The following ANXA8 variants were observed in gnomAD, a reference collection of about 807,000 sequenced individuals.
ANXA8 encodes the protein VAC-beta.
ANXA8 carries 9 observed loss-of-function variants against 26.8 expected under a neutral mutation model. That is an observed-to-expected ratio of 0.34 (90% CI 0.20 to 0.59). The LOEUF is 0.59. ANXA8 is among the 20% of genes least tolerant of loss of function. ANXA8 has a pLI of 0.84. For synonymous variants in ANXA8, 39 were observed against 94.8 expected (o/e 0.41, Z 3.42); for missense variants, 83 against 238.5 (o/e 0.35, Z 4.29).
chr10:47,929,589 G>A, the ANXA8 span, among the ~76,000 whole-genome samples: 1 of 142,760 alleles, frequency 7.0e-6, no homozygotes, highest in South Asian at 2.4e-4. Context: ...AGCATCTCAA[G>A]CTTGGCACAT....
the ANXA8 span, among the ~76,000 whole-genome samples, chr10:47,646,569 C>T: frequency 6.6e-6 from 1 of 151,378 alleles, no homozygotes; most frequent in East Asian, 1.9e-4. Flanking sequence ...TTAGTTGAGA[C>T]AGAAACAGGC....
upstream of ANXA8, chr10:47,484,331 A>C (rs1839975489): frequency 1.6e-6 from 1 of 641,512 alleles, no homozygotes; most frequent in Non-Finnish European, 2.8e-6. Context: ...TGATCTGCCC[A>C]CCTTGGCCTA....
chr10:47,554,898 G>A, the ANXA8 span, among the ~76,000 whole-genome samples: 28,257 of 151,014 alleles, frequency 0.19, 2,885 homozygotes, highest in East Asian at 0.52. Context: ...GTCAGTAGCC[G>A]GGTAAATAAT....
chr10:47,743,315 C>CAT, the ANXA8 span, among the ~76,000 whole-genome samples: 1 of 60,020 alleles, frequency 1.7e-5, no homozygotes, highest in Non-Finnish European at 3.7e-5. Flanking sequence ...TATATATACA[C>CAT]ATATATATAT....
chr10:47,485,692 A>G (rs1160785664), upstream of ANXA8, among the ~76,000 whole-genome samples: 1 of 152,014 alleles, frequency 6.6e-6, no homozygotes, highest in Admixed American at 6.6e-5. Context: ...ATGTTAAGTT[A>G]AATGCTACTT....
At chr10:47,957,418 C>T in the ANXA8 span, among the ~76,000 whole-genome samples, 1 of 150,494 alleles carries the variant, frequency 6.6e-6, no homozygotes, top group South Asian at 2.1e-4. Context: ...GGGCTGGGAC[C>T]TCCTGCTGGC....
chr10:47,977,198 T>G, the ANXA8 span, among the ~76,000 whole-genome samples: 1 of 88,848 alleles, frequency 1.1e-5, no homozygotes, highest in East Asian at 2.4e-4. Flanking sequence ...AATGGACAAC[T>G]AAACTGAGGA....
chr10:47,555,052 C>G, the ANXA8 span, among the ~76,000 whole-genome samples: 2 of 151,052 alleles, frequency 1.3e-5, no homozygotes, highest in Non-Finnish European at 2.9e-5. Context: ...ACCACCACCT[C>G]CTATCTAGAG....
At chr10:47,533,225 C>CACACACACACACACACACACACACA in the ANXA8 span, among the ~76,000 whole-genome samples, 1 of 98,544 alleles carries the variant, frequency 1.0e-5, no homozygotes, top group African/African-American at 3.8e-5. Context: ...ACACACACAC[C>CACACACACACACACACACACACACA]CCCGCAGACA....
At chr10:47,631,059 G>A in the ANXA8 span, among the ~76,000 whole-genome samples, 1 of 149,968 alleles carries the variant, frequency 6.7e-6, no homozygotes, top group Non-Finnish European at 1.5e-5. Context: ...TAATGTAACA[G>A]TCTTGGCAAT....
the ANXA8 span, among the ~76,000 whole-genome samples, chr10:47,733,171 TTCTTTCTTTCTTTCTTTCTTTCTTTC>T: frequency 2.0e-5 from 2 of 100,814 alleles, no homozygotes; most frequent in African/African-American, 6.4e-5. Context: ...CTTTCTTTCT[TTCTTTCTTTCTTTCTTTCTTTCTTTC>T]TTTCTTTCTT....
chr10:47,748,263 CG>C, the ANXA8 span, among the ~76,000 whole-genome samples: 1 of 141,802 alleles, frequency 7.1e-6, no homozygotes, highest in Non-Finnish European at 1.5e-5. Context: ...GGCTGGAGTA[CG>C]GTGGCGCGCG....
chr10:47,942,245 C>A, the ANXA8 span, among the ~76,000 whole-genome samples: 7 of 146,392 alleles, frequency 4.8e-5, no homozygotes, highest in South Asian at 2.2e-4. Flanking sequence ...CCCCTGAGTT[C>A]TTGGTGTTCT....
the ANXA8 span, among the ~76,000 whole-genome samples, chr10:47,649,217 G>A: frequency 1.3e-5 from 2 of 149,324 alleles, no homozygotes; most frequent in African/African-American, 2.5e-5. Context: ...TTTCAAACAT[G>A]TTATTGCCCT....
the ANXA8 span, chr10:47,491,630 G>A: frequency 2.9e-5 from 44 of 1,537,944 alleles, no homozygotes; most frequent in Non-Finnish European, 3.5e-5. Flanking sequence ...TCTCGGTGCG[G>A]TGGGCCAGGC....
the ANXA8 span, among the ~76,000 whole-genome samples, chr10:47,586,910 TG>T: frequency 6.8e-6 from 1 of 146,154 alleles, no homozygotes; most frequent in Non-Finnish European, 1.5e-5. Flanking sequence ...CTTGAGACCT[TG>T]TTAGGAAATT....
chr10:47,709,602 T>G, the ANXA8 span, among the ~76,000 whole-genome samples: 1 of 109,022 alleles, frequency 9.2e-6, no homozygotes, highest in Non-Finnish European at 1.9e-5. Flanking sequence ...TATTACAATG[T>G]AGCACATGCT....
the ANXA8 span, among the ~76,000 whole-genome samples, chr10:47,918,379 G>GAC: frequency 7.7e-5 from 1 of 12,914 alleles, no homozygotes; most frequent in Admixed American, 1.1e-3. Context: ...GAGAGAGAGA[G>GAC]AGAGAGAAAG....
chr10:47,702,702 C>T, the ANXA8 span, among the ~76,000 whole-genome samples: 3 of 151,632 alleles, frequency 2.0e-5, no homozygotes, highest in Non-Finnish European at 2.9e-5. Context: ...GGTGCGATCT[C>T]GGCTTACTCC....
Sources: allele counts gnomAD v4.1 joint callset (sites outside exome capture counted in the v4.1 genomes callset), GRCh38; gene constraint gnomAD v4.1.1; transcripts MANE v1.5; gene names NCBI Gene and HGNC (gene_info 2026-07-23, HGNC 2026-07-21).